CEP97: variants seen among roughly 807,000 people sequenced by gnomAD.
CEP97 encodes centrosomal protein of 97 kDa.
In CEP97, 43 loss-of-function variants were observed where a neutral mutation model predicts 73.1. The observed-to-expected ratio is 0.59, with a 90% CI of 0.46 to 0.76. The LOEUF (loss-of-function observed/expected upper bound fraction) is 0.76, where lower values mean the gene tolerates loss of function less well. Ranked by LOEUF, CEP97 falls within the 30% of genes least tolerant of loss-of-function variation. The pLI, the probability that CEP97 is intolerant of heterozygous loss-of-function variation, is 0.00. For missense variants in CEP97, 939 were observed against 1,014.0 expected (o/e 0.93, Z 1.00); for synonymous variants, 337 against 370.0 (o/e 0.91, Z 1.02).
At chr3:101,739,302 C>T (rs1326263500) in intron 6 of CEP97, among the ~76,000 whole-genome samples, 1 of 151,946 alleles carries the variant, frequency 6.6e-6, no homozygotes, top group African/African-American at 2.4e-5. Context: ...AAGAGGGACT[C>T]CTCCCTAACT....
chr3:101,753,894 C>T lies in CEP97; in HGVS notation c.729-1536C>T, dbSNP rs924320763. ...GCCTCGCCCTGCTTCGGCTTGCGCA[C>T]GGTGCGCTGCACCCACTGTCCTCTG... is the stretch of plus-strand genomic sequence containing the variant. On this transcript the variant is annotated intron_variant, in intron 6 of 10. Coordinates refer to ENST00000341893, the MANE Select transcript of CEP97 (RefSeq NM_024548.4). Among the ~76,000 whole-genome samples, 77 of 152,310 alleles carry T rather than the reference C, an allele frequency of 5.1e-4. 1 individual carries two copies. Among genetic ancestry groups the T allele is most frequent in the African/African-American group, 1.5e-3 (63 of 41,560 alleles).
chr3:101,727,226 A>G (rs916829021), intron 2 of CEP97, among the ~76,000 whole-genome samples, 157 bp from the exon 3 acceptor site: 7 of 152,254 alleles, frequency 4.6e-5, no homozygotes, highest in African/African-American at 1.7e-4. Context: ...AAAAACTGAT[A>G]GTCATACTGT....
intron 7 of CEP97, among the ~76,000 whole-genome samples, chr3:101,756,175 T>G (rs1247663446): frequency 2.0e-5 from 3 of 151,952 alleles, no homozygotes; most frequent in Non-Finnish European, 4.4e-5. Flanking sequence ...TTCTCGGGTC[T>G]AAGCCTCCTG....
chr3:101,737,110 A>C (rs1293254383), intron 6 of CEP97, among the ~76,000 whole-genome samples: 4 of 152,246 alleles, frequency 2.6e-5, no homozygotes, highest in Non-Finnish European at 5.9e-5. Flanking sequence ...AGATCAACTT[A>C]ATGAAATAAA....
rs1006712442 is a variant in CEP97 at position 101,765,100 on chromosome 3, A to T, written c.2147A>T (p.His716Leu). The T allele has an allele frequency of 6.2e-7, 1 of 1,614,208 alleles. No individual in the cohort carries two copies. The highest frequency in any genetic ancestry group is 8.5e-7 in the Non-Finnish European group (1 of 1,180,042). Residue 716 changes from histidine to leucine, a missense_variant, in exon 11 of 11, where the codon CAT (histidine) becomes CTT (leucine). Coordinates refer to ENST00000341893, the MANE Select transcript of CEP97 (RefSeq NM_024548.4). Reference protein sequence around the residue: ...SLTEQVHSLQHSLDFEKSSTE... With the variant: ...SLTEQVHSLQLSLDFEKSSTE... ...ACAGAACAAGTTCATTCATTGCAGC[A>T]TTCTTTGGATTTTGAGAAAAGTTCC...
At position 101,757,679 on chromosome 3, in the gene CEP97, A is replaced by C. The variant is rs778998982; in HGVS notation, c.1073A>C (p.Asp358Ala). 2.2e-5 allele frequency: 35 copies of C among 1,614,072 alleles called. No homozygotes were observed. The highest frequency in any genetic ancestry group is 2.9e-5 in the Non-Finnish European group (34 of 1,180,032). Residue 358 changes from aspartate (D) to alanine (A), a missense_variant, in exon 9 of 11, where the codon GAT becomes GCT. Transcript: ENST00000341893. ...TCTTGGGTTGGGATAAACAGTAATGATGATCAGTTATTTGCGGTTAAGAAT... is the reference window on the plus strand; with the variant it reads ...TCTTGGGTTGGGATAAACAGTAATGCTGATCAGTTATTTGCGGTTAAGAAT... ...VNSWVGINSN[D>A]DQLFAVKNNF...
chr3:101,757,941 C>T lies in CEP97; in HGVS notation c.1335C>T (p.Ser445=). 2 of 1,614,170 alleles carry T rather than the reference C, an allele frequency of 1.2e-6. No homozygotes were observed. Among genetic ancestry groups the T allele is most frequent in the African/African-American group, 1.3e-5 (1 of 75,046 alleles). ...VADESVKGLE[S]QVLDKEEEQP... ...ATGAATCTGTGAAAGGGCTGGAAAG[C>T]CAGGTGTTGGATAAGGAAGAGGAAC... Residue 445 remains serine (S), a synonymous_variant, in exon 9 of 11, where the codon AGC becomes AGT. Transcript: ENST00000341893.
chr3:101,761,419 G>T, intron 9 of CEP97, among the ~76,000 whole-genome samples: 1 of 152,270 alleles, frequency 6.6e-6, no homozygotes, highest in East Asian at 1.9e-4. Context: ...TGAATGTTGA[G>T]GTCTCCAAAA....
At chr3:101,757,223 C>G (rs770650498) in intron 8 of CEP97, 27 bp downstream of exon 8, 1 of 1,578,694 alleles carries the variant, frequency 6.3e-7, no homozygotes, top group Non-Finnish European at 8.6e-7. Context: ...TCTCTGATCC[C>G]TTTTCTCCAA....
intron 9 of CEP97, chr3:101,759,602 C>A (rs1230164285): frequency 3.9e-5 from 6 of 152,116 alleles, no homozygotes; most frequent in Non-Finnish European, 8.8e-5. Flanking sequence ...TGACCAAGAC[C>A]CCAGGTGTAT....
intron 6 of CEP97, among the ~76,000 whole-genome samples, chr3:101,735,998 G>T (rs1485577539): frequency 6.6e-6 from 1 of 152,190 alleles, no homozygotes; most frequent in South Asian, 2.1e-4. Context: ...TGGGATGCTC[G>T]AGCTTGTCGG....
rs776910313 is a variant in CEP97, at chr3:101,726,666, A to G, written c.116A>G (p.His39Arg). 4 of 1,608,718 alleles carry G rather than the reference A, an allele frequency of 2.5e-6. No individual in the cohort carries two copies. The African/African-American group carries it at 4.0e-5, about 16-fold the overall frequency. ...AATTTACCCTGTGAAGCTGATATTC[A>G]CACTTTGATTCTGGATAAAAATCAG... ...GPNLPCEADI[H>R]TLILDKNQII... Residue 39 changes from histidine to arginine, a missense_variant, in exon 2 of 11, where the codon CAC (histidine) becomes CGC (arginine). Transcript: ENST00000341893.
rs1321990069 is a variant in CEP97, at chr3:101,725,865, C to CT, written c.44-718dup. ...TATGACCCAGGCGATGTTCTCAGTC[C>CT]TTTTTTTTTTTGTTTTTTTTTTTAC... On this transcript the variant is annotated intron_variant, in intron 1 of 10. Coordinates refer to ENST00000341893, the MANE Select transcript of CEP97 (RefSeq NM_024548.4). Among the ~76,000 whole-genome samples, 343 of 136,074 alleles carry CT rather than the reference C, an allele frequency of 2.5e-3. 3 individuals are homozygous for CT. Among genetic ancestry groups the CT allele is most frequent in the African/African-American group, 6.9e-3 (264 of 38,170 alleles). The allele number at this position is 136,074 out of a possible 152,430, so 89.3% of individuals were successfully genotyped here.
chr3:101,764,369 T>C (rs747436212), intron 10 of CEP97, among the ~76,000 whole-genome samples: 5 of 152,128 alleles, frequency 3.3e-5, no homozygotes, highest in Non-Finnish European at 5.9e-5. Context: ...CCTAGCACTT[T>C]GGGAGGCCAA....
chr3:101,753,310 G>A (rs1938894166), intron 6 of CEP97, among the ~76,000 whole-genome samples: 1 of 152,200 alleles, frequency 6.6e-6, no homozygotes, highest in Non-Finnish European at 1.5e-5. Context: ...CCCTACTGGG[G>A]GGTGCCTCCC....
At position 101,765,318 on chromosome 3, in the gene CEP97, A is replaced by G; in HGVS notation, c.2365A>G (p.Thr789Ala). 6.2e-7 allele frequency: 1 copy of G among 1,614,126 alleles called. No individual in the cohort carries two copies. Among genetic ancestry groups the G allele is most frequent in the Non-Finnish European group, 8.5e-7 (1 of 1,180,012 alleles). ...ACAGCTGGAAGATGCTGATGAGAGG[A>G]CCAATTTTGATACAGAGACAAGAGA... ...VQQLEDADER[T>A]NFDTETRDSK... The change falls in exon 11 of 11, where the codon ACC becomes GCC. Residue 789 changes from threonine to alanine, a missense_variant. Coordinates refer to ENST00000341893, the MANE Select transcript of CEP97 (RefSeq NM_024548.4).
intron 6 of CEP97, among the ~76,000 whole-genome samples, chr3:101,734,753 T>C (rs1938221712): frequency 6.6e-6 from 1 of 152,238 alleles, no homozygotes; most frequent in Non-Finnish European, 1.5e-5. Context: ...ATGGGTTTAC[T>C]TGGATAATCC....
chr3:101,765,672 TGTA>T lies in CEP97; in HGVS notation c.*122_*124del, dbSNP rs1939300184. Reference sequence around the variant, plus strand: ...ATTTTGTTACTACTTATATAGAATTTGTATTCATGTCTTATATTTTTCAGATTC... The same window carrying T: ...ATTTTGTTACTACTTATATAGAATTTTTCATGTCTTATATTTTTCAGATTC... On this transcript the variant is annotated 3_prime_UTR_variant, in exon 11 of 11. Coordinates refer to ENST00000341893, the MANE Select transcript of CEP97 (RefSeq NM_024548.4). 1.4e-6 allele frequency: 1 copy of T among 709,856 alleles called. No individual in the cohort carries two copies. The highest frequency in any genetic ancestry group is 2.3e-6 in the Non-Finnish European group (1 of 432,014). 44.0% of individuals were successfully genotyped at this position (709,856 alleles called of 1,614,324 possible).
At chr3:101,746,788 G>A (rs1352406880) in intron 6 of CEP97, among the ~76,000 whole-genome samples, 1 of 151,744 alleles carries the variant, frequency 6.6e-6, no homozygotes, top group Non-Finnish European at 1.5e-5. Flanking sequence ...ACCTGACAAA[G>A]GGCTAATATC....
Sources: allele counts gnomAD v4.1 joint callset (sites outside exome capture counted in the v4.1 genomes callset), GRCh38; gene constraint gnomAD v4.1.1; transcripts MANE v1.5; gene names NCBI Gene and HGNC (gene_info 2026-07-23, HGNC 2026-07-21).